PCNX2: variants seen among roughly 807,000 people sequenced by gnomAD.
PCNX2 encodes the protein pecanex-like protein 2.
A neutral mutation model predicts 223.8 loss-of-function variants in PCNX2; 168 were observed. The observed-to-expected ratio is 0.75, with a 90% CI of 0.66 to 0.85. PCNX2 has a LOEUF of 0.85. Ranked by LOEUF, PCNX2 falls within the 40% of genes least tolerant of loss-of-function variation. PCNX2 has a pLI of 0.00. For synonymous variants in PCNX2, 1,006 were observed against 1,052.6 expected (o/e 0.96, Z 0.86); for missense variants, 2,507 against 2,675.5 (o/e 0.94, Z 1.39).
At chr1:233,064,492 A>G (rs1266934124) in intron 23 of PCNX2, among the ~76,000 whole-genome samples, 1 of 152,170 alleles carries the variant, frequency 6.6e-6, no homozygotes, top group Admixed American at 6.5e-5. Flanking sequence ...CTTCAGGGCT[A>G]CAGCTTTATG....
In PCNX2 at chr1:233,158,529, G is replaced by T. The variant is rs1678265682; in HGVS notation, c.3517+1754C>A. On this transcript the variant is annotated intron_variant, in intron 19 of 33. Transcript: ENST00000258229. ...AGGTACAGGTATAGGTAAAGATAAA[G>T]TTATATAGAAGTAAAGGTAAAGGTA... Among the ~76,000 whole-genome samples, 5 of 152,276 alleles carry T rather than the reference G, an allele frequency of 3.3e-5. No homozygotes were observed. The South Asian group carries it at 1.0e-3, about 32-fold the overall frequency.
chr1:233,099,644 C>G (rs1461811755), intron 21 of PCNX2, among the ~76,000 whole-genome samples: 1 of 152,210 alleles, frequency 6.6e-6, no homozygotes, highest in East Asian at 1.9e-4. Flanking sequence ...CTTTCCCCTT[C>G]TCTTTAAGGG....
chr1:233,103,660 A>G (rs1674615649), intron 21 of PCNX2, among the ~76,000 whole-genome samples: 1 of 152,142 alleles, frequency 6.6e-6, no homozygotes, highest in Admixed American at 6.5e-5. Flanking sequence ...TAAGTACCAC[A>G]TTTTAAAAAA....
the PCNX2 span, among the ~76,000 whole-genome samples, chr1:233,326,244 A>T: frequency 6.6e-6 from 1 of 152,266 alleles, no homozygotes; most frequent in East Asian, 1.9e-4. Context: ...GCTTTATTGC[A>T]GTGATCTGGA....
the PCNX2 span, among the ~76,000 whole-genome samples, chr1:233,302,317 A>G: frequency 1.3e-5 from 2 of 152,010 alleles, no homozygotes; most frequent in Non-Finnish European, 2.9e-5. Context: ...CTTTATTGGT[A>G]TAAAGTTTGT....
At chr1:233,071,935 T>C (rs1229579778) in intron 23 of PCNX2, among the ~76,000 whole-genome samples, 2 of 152,254 alleles carry the variant, frequency 1.3e-5, no homozygotes, top group Non-Finnish European at 2.9e-5. Flanking sequence ...CTTGGCTGCA[T>C]GTATGTATTC....
rs541895735 is a variant in PCNX2, at chr1:233,230,008, T to C, written c.2359-2637A>G. On this transcript the variant is annotated intron_variant, in intron 9 of 33. Coordinates refer to ENST00000258229, the MANE Select transcript of PCNX2 (RefSeq NM_014801.4). The stretch of plus-strand genomic sequence containing the variant: ...AATATTTCTCATCATTTTAATATCA[T>C]TCATGTTTTCACTCATTGAACAAAA... Among the ~76,000 whole-genome samples, 17 of 152,356 alleles carry C rather than the reference T, an allele frequency of 1.1e-4. No individual in the cohort carries two copies. The South Asian group carries it at 3.5e-3, about 32-fold the overall frequency.
intron 21 of PCNX2, among the ~76,000 whole-genome samples, chr1:233,105,877 A>G (rs984182160): frequency 1.3e-5 from 2 of 152,230 alleles, no homozygotes; most frequent in Non-Finnish European, 2.9e-5. Context: ...TTGAAATTGT[A>G]TAATCTACCA....
At chr1:233,252,880 GA>G in intron 5 of PCNX2, 92 bp from the exon 6 acceptor site, 1 of 1,323,866 alleles carries the variant, frequency 7.6e-7, no homozygotes, top group East Asian at 2.5e-5. Flanking sequence ...AACAAGAATA[GA>G]AAGAAAATCT....
In PCNX2 at chr1:233,000,502, G is replaced by A. The variant is rs778411191; in HGVS notation, c.5131C>T (p.Pro1711Ser). The change falls in exon 30 of 34, where the codon CCA becomes TCA. Residue 1711 changes from proline (P) to serine (S), a missense_variant. Transcript: ENST00000258229. The surrounding 1 kb of genome is among the most constrained non-coding windows in gnomAD (Gnocchi z 4.6). ...QFTCPDEYEDPAVLYEAIQSF... is the reference protein window; with the variant it reads ...QFTCPDEYEDSAVLYEAIQSF... ...TGGATGGCCTCGTAGAGGACTGCTG[G>A]GTCTTCATACTCGTCAGGGCAAGTG... The A allele has an allele frequency of 1.2e-6, 2 of 1,603,348 alleles. No individual in the cohort carries two copies. Among genetic ancestry groups the A allele is most frequent in the Admixed American group, 3.4e-5 (2 of 59,022 alleles).
intron 21 of PCNX2, among the ~76,000 whole-genome samples, chr1:233,107,969 T>C (rs750896036): frequency 3.3e-5 from 5 of 152,208 alleles, no homozygotes; most frequent in African/African-American, 9.7e-5. Flanking sequence ...GCGATGAGCG[T>C]GACCTCTGTA....
intron 8 of PCNX2, among the ~76,000 whole-genome samples, chr1:233,249,018 T>C (rs573045801): frequency 1.3e-5 from 2 of 152,002 alleles, no homozygotes; most frequent in African/African-American, 2.4e-5. Flanking sequence ...GGAAGTTTAA[T>C]AGAGAGAAAT....
chr1:233,161,257 T>G lies in PCNX2; in HGVS notation c.3366+14A>C. 6.2e-7 allele frequency: 1 copy of G among 1,606,704 alleles called. No individual in the cohort carries two copies. The highest frequency in any genetic ancestry group is 8.5e-7 in the Non-Finnish European group (1 of 1,173,574). On this transcript the variant is annotated intron_variant, in intron 18 of 33. Transcript: ENST00000258229. The stretch of plus-strand genomic sequence containing the variant: ...TAAGGGGGCAGGAAGAGTACAAAGT[T>G]GGTGGATACATACTCGCAATGACAG...
At chr1:233,203,417 G>A (rs1434536069) in intron 13 of PCNX2, among the ~76,000 whole-genome samples, 2 of 151,972 alleles carry the variant, frequency 1.3e-5, no homozygotes, top group African/African-American at 2.4e-5. Flanking sequence ...TTATTCCTGG[G>A]GATAAAAATA....
intron 19 of PCNX2, among the ~76,000 whole-genome samples, chr1:233,155,126 G>A (rs999670765): frequency 2.6e-5 from 4 of 151,280 alleles, no homozygotes; most frequent in East Asian, 1.9e-4. Context: ...GCTAAAGTGC[G>A]AGAGTGCGGT....
At position 232,991,199 on chromosome 1, in the gene PCNX2, G is replaced by A. The variant is rs1669685515; in HGVS notation, c.5792-4659C>T. Among the ~76,000 whole-genome samples the A allele has an allele frequency of 1.3e-5, 2 of 152,142 alleles. No individual in the cohort carries two copies. Among genetic ancestry groups the A allele is most frequent in the Admixed American group, 6.5e-5 (1 of 15,282 alleles). ...TATGGAAGGCTGGCCAGGGTCTCTTGGATAAGCTGGGATTTGATGGGAGGC... is the reference window on the plus strand; with the variant it reads ...TATGGAAGGCTGGCCAGGGTCTCTTAGATAAGCTGGGATTTGATGGGAGGC... On this transcript the variant is annotated intron_variant, in intron 32 of 33. Coordinates refer to ENST00000258229, the MANE Select transcript of PCNX2 (RefSeq NM_014801.4). The surrounding 1 kb of genome is among the most constrained non-coding windows in gnomAD (Gnocchi z 4.3).
intron 25 of PCNX2, among the ~76,000 whole-genome samples, chr1:233,043,506 T>A (rs1671716368): frequency 6.6e-6 from 1 of 151,558 alleles, no homozygotes; most frequent in Non-Finnish European, 1.5e-5. Context: ...GCTGCACCCA[T>A]TAACTCGTCA....
chr1:233,135,107 A>G lies in PCNX2; in HGVS notation c.3743T>C (p.Leu1248Ser). The change falls in exon 21 of 34, where the codon TTG becomes TCG. Residue 1248 changes from leucine to serine, a missense_variant. Leu to Ser is a moderately radical substitution (Grantham distance 145). Coordinates refer to ENST00000258229, the MANE Select transcript of PCNX2 (RefSeq NM_014801.4). The stretch of plus-strand genomic sequence containing the variant: ...GTGGAAAAAGATGACAGTGAAGCTC[A>G]AGTTAATAAACTGGTAAACCGGGTT... ...FCNPVYQFIN[L>S]SFTVIFFHFD... The G allele has an allele frequency of 6.2e-7, 1 of 1,613,500 alleles. No individual in the cohort carries two copies. The highest frequency in any genetic ancestry group is 8.5e-7 in the Non-Finnish European group (1 of 1,179,370).
At chr1:233,019,134 C>G in intron 26 of PCNX2, 1 of 985,336 alleles carries the variant, frequency 1.0e-6, no homozygotes, top group Non-Finnish European at 1.2e-6. Context: ...CTGTGATTTC[C>G]ACTAAACAAC....
Sources: allele counts gnomAD v4.1 joint callset (sites outside exome capture counted in the v4.1 genomes callset), GRCh38; gene constraint gnomAD v4.1.1; non-coding constraint Gnocchi (gnomAD v3.1); transcripts MANE v1.5; gene names NCBI Gene and HGNC (gene_info 2026-07-23, HGNC 2026-07-21).